ARSD: variants seen among roughly 807,000 people sequenced by gnomAD.
The protein encoded by ARSD is testis tissue sperm-binding protein Li 39a.
Under a neutral mutation model 32.6 loss-of-function variants are expected in ARSD, and 21 were observed. The ratio of observed to expected loss-of-function variants is 0.64; its 90% CI spans 0.46 to 0.93. ARSD has a LOEUF of 0.93. Among genes scored for constraint, ARSD ranks in the 40% least tolerant of loss-of-function variants. The probability of loss-of-function intolerance (pLI) is 0.00; values close to 1 mark genes in which losing one functional copy is unlikely to be tolerated. For missense variants in ARSD, 454 were observed against 520.9 expected (o/e 0.87, Z 1.25); for synonymous variants, 224 against 237.4 (o/e 0.94, Z 0.52).
chrX:2,914,698 C>T (rs34494682), intron 6 of ARSD: 111,913 of 1,025,047 alleles, frequency 0.11, 5,381 homozygotes, highest in East Asian at 0.51. Context: ...AGGAAGACAG[C>T]GTGTCTGCAT....
intron 9 of ARSD, among the ~76,000 whole-genome samples, 161 bp downstream of exon 9, chrX:2,908,560 C>G (rs1400729265): frequency 4.2e-5 from 4 of 95,467 alleles, no homozygotes; most frequent in Non-Finnish European, 6.1e-5. Flanking sequence ...TATCTATAAT[C>G]TACTCATCGG....
rs60574020 is a variant in ARSD, at chrX:2,909,080, G to GCACACACA, written c.1299-246_1299-239dup. Among the ~76,000 whole-genome samples the GCACACACA allele has an allele frequency of 6.5e-3, 686 of 105,868 alleles. 10 individuals are homozygous for GCACACACA. The highest frequency in any genetic ancestry group is 0.019 in the African/African-American group (560 of 28,995). 91.9% of individuals were successfully genotyped at this position (105,868 alleles called of 115,157 possible). On this transcript the variant is annotated intron_variant, in intron 8 of 9. Transcript: ENST00000381154. ...TTATGCAGCACTGCATAAGCAGAGT[G>GCACACACA]CACACACACACACACACACACACCC...
At chrX:2,918,393 G>A (rs796300217) in intron 4 of ARSD, among the ~76,000 whole-genome samples, 166 bp from the exon 5 acceptor site, 1 of 112,772 alleles carries the variant, frequency 8.9e-6, no homozygotes, top group African/African-American at 3.2e-5. Flanking sequence ...TTAAATGAAC[G>A]CATTCTGATC....
chrX:2,920,787 G>C (rs1433482195), intron 3 of ARSD, 64 bp from the exon 4 acceptor site: 5 of 1,163,462 alleles, frequency 4.3e-6, no homozygotes, highest in Non-Finnish European at 5.8e-6. Flanking sequence ...TTCTCAACCA[G>C]AGGGATTTGG....
chrX:2,913,813 G>A, intron 6 of ARSD: 3 of 766,513 alleles, frequency 3.9e-6, no homozygotes, highest in African/African-American at 2.2e-5. Context: ...GGGCCTGGGG[G>A]GAGGTGACTG....
rs188200141 is a variant in ARSD, at chrX:2,928,603, G to A, written c.44+629C>T. ...GTCACAGCTGTGCTCGGGAGGACGG[G>A]GCGTTGGGGAGGGACAGGGAGCGTC... On this transcript the variant is annotated intron_variant, in intron 1 of 9. Transcript: ENST00000381154. Among the ~76,000 whole-genome samples the A allele has an allele frequency of 5.0e-3, 524 of 103,929 alleles. 6 individuals are homozygous for A. Among genetic ancestry groups the A allele is most frequent in the African/African-American group, 0.017 (473 of 27,985 alleles). 90.2% of individuals were successfully genotyped at this position (103,929 alleles called of 115,157 possible). A position where few individuals can be genotyped will look rare whatever the true frequency, so the allele number is the denominator to read the frequency against.
In ARSD at chrX:2,929,266, C is replaced by G; in HGVS notation, c.10G>C (p.Ala4Pro). 1 of 1,024,117 alleles carries G rather than the reference C, an allele frequency of 9.8e-7. No individual in the cohort carries two copies. Among genetic ancestry groups the G allele is most frequent in the East Asian group, 4.1e-5 (1 of 24,596 alleles). 84.4% of individuals were successfully genotyped at this position (1,024,117 alleles called of 1,213,427 possible). A position where few individuals can be genotyped will look rare whatever the true frequency, so the allele number is the denominator to read the frequency against. Residue 4 changes from alanine to proline, a missense_variant, in exon 1 of 10, where the codon GCC becomes CCC. Physicochemically the swap from Ala to Pro is conservative, Grantham distance 27. This residue lies in a region of ARSD where 271 missense variants were observed against 301.0 expected (regional missense o/e 0.90). Transcript: ENST00000381154. The stretch of plus-strand genomic sequence containing the variant: ...GGCGCGGCGCGTCCCCTCCGCGCGG[C>G]GGATCGCATGGCCGAGCGCTGGCCC... MRS[A>P]ARRGRAAPAA...
In ARSD at chrX:2,906,311, G is replaced by GT. The variant is rs1181269427; in HGVS notation, c.*959dup. On this transcript the variant is annotated 3_prime_UTR_variant, in exon 10 of 10. Transcript: ENST00000381154. The stretch of plus-strand genomic sequence containing the variant: ...CGCCACGACATCTAGCTAATTATTT[G>GT]TTTTTTGTAGAGATGAGGTCTCACT... 1.8e-5 allele frequency: 2 copies of GT among 110,350 alleles called. No individual in the cohort carries two copies. Among genetic ancestry groups the GT allele is most frequent in the African/African-American group, 3.3e-5 (1 of 30,275 alleles). The allele number at this position is 110,350 out of a possible 1,213,427, so 9.1% of individuals were successfully genotyped here.
rs2088990770 is a variant in ARSD at position 2,918,208 on chromosome X, C to G, written c.459G>C (p.Val153=). Residue 153 remains valine (V), a synonymous_variant, in exon 5 of 10, where the codon GTG becomes GTC. Coordinates refer to ENST00000381154, the MANE Select transcript of ARSD (RefSeq NM_001669.4). ...TGLIGKWHQG[V]NCASRGDHCH... ...AGTGATCCCCGCGGGATGCACAATTCACACCCTGGTGCCATTTTCCTAAAA... is the reference window on the plus strand; with the variant it reads ...AGTGATCCCCGCGGGATGCACAATTGACACCCTGGTGCCATTTTCCTAAAA... 1 of 1,164,774 alleles carries G rather than the reference C, an allele frequency of 8.6e-7. No individual in the cohort carries two copies. Among genetic ancestry groups the G allele is most frequent in the Admixed American group, 2.5e-5 (1 of 40,103 alleles).
chrX:2,909,078 G>C (rs1440541466), intron 8 of ARSD, among the ~76,000 whole-genome samples: 1 of 97,096 alleles, frequency 1.0e-5, no homozygotes, highest in African/African-American at 4.5e-5. Context: ...CATAAGCAGA[G>C]TGCACACACA....
intron 2 of ARSD, among the ~76,000 whole-genome samples, chrX:2,922,557 G>A (rs749651829): frequency 1.4e-4 from 15 of 109,695 alleles, no homozygotes; most frequent in Non-Finnish European, 2.3e-4. Flanking sequence ...TGTGAGGGCC[G>A]GGCACGGTGG....
At chrX:2,917,061 T>G in intron 5 of ARSD, among the ~76,000 whole-genome samples, 1 of 62,695 alleles carries the variant, frequency 1.6e-5, no homozygotes, top group African/African-American at 7.5e-5. Context: ...AGTGAGACAT[T>G]GTCTCAAAAA....
rs749942918 is a variant in ARSD, at chrX:2,927,676, G to C, written c.44+1556C>G. 4.5e-5 allele frequency among the ~76,000 whole-genome samples: 5 copies of C among 112,353 alleles called. No homozygotes were observed. The East Asian group carries it at 1.4e-3, about 31-fold the overall frequency. On this transcript the variant is annotated intron_variant, in intron 1 of 9. Transcript: ENST00000381154. ...TTTTCTATTGGGTAGATAGTAGACT[G>C]GCTGTCTGCAACCAATCGGACTGAT...
In ARSD at chrX:2,907,139, G is replaced by A; in HGVS notation, c.*132C>T. 1.7e-6 allele frequency: 1 copy of A among 596,751 alleles called. No individual in the cohort carries two copies. Among genetic ancestry groups the A allele is most frequent in the Non-Finnish European group, 2.6e-6 (1 of 383,159 alleles). 49.2% of individuals were successfully genotyped at this position (596,751 alleles called of 1,213,427 possible). A position where few individuals can be genotyped will look rare whatever the true frequency, so the allele number is the denominator to read the frequency against. On this transcript the variant is annotated 3_prime_UTR_variant, in exon 10 of 10. Transcript: ENST00000381154. ...CTCAAAAAAGAAAGAAAGAAAGAAA[G>A]AAAGTGGGGACCCACTCTCAGTCCA...
At chrX:2,919,538 G>A (rs1225191006) in intron 4 of ARSD, among the ~76,000 whole-genome samples, 15 of 111,594 alleles carry the variant, frequency 1.3e-4, no homozygotes, top group Admixed American at 5.7e-4. Flanking sequence ...GCCTGAGCTA[G>A]TGCCCCTTAC....
At chrX:2,917,482 TA>T (rs2088973516) in intron 5 of ARSD, among the ~76,000 whole-genome samples, 1 of 110,266 alleles carries the variant, frequency 9.1e-6, no homozygotes, top group South Asian at 4.0e-4. Flanking sequence ...ACTTTATTTT[TA>T]TTTTTTTAGC....
rs2089075104 is a variant in ARSD at position 2,925,615 on chromosome X, C to T, written c.194+1G>A. The stretch of plus-strand genomic sequence containing the variant: ...TCACCAATAGCAACAACCAACTGTA[C>T]CTCAGTGTATTGTTCCCGTAGCAAC... On this transcript the variant is annotated splice_donor_variant, in intron 2 of 9. Coordinates refer to ENST00000381154, the MANE Select transcript of ARSD (RefSeq NM_001669.4). LOFTEE classifies it high-confidence loss of function. The T allele has an allele frequency of 1.7e-6, 2 of 1,206,136 alleles. No homozygotes were observed. The highest frequency in any genetic ancestry group is 1.7e-5 in the African/African-American group (1 of 57,467).
At position 2,914,256 on chromosome X, in the gene ARSD, G is replaced by C. The variant is rs757180170; in HGVS notation, c.1000+1300C>G. On this transcript the variant is annotated intron_variant, in intron 6 of 9. Coordinates refer to ENST00000381154, the MANE Select transcript of ARSD (RefSeq NM_001669.4). Reference sequence around the variant, plus strand: ...ATTTCTTTTTTTTTTTGGAGACAGGGTCTTGCTATGTGGCCCAGGCTGGAG... The same window carrying C: ...ATTTCTTTTTTTTTTTGGAGACAGGCTCTTGCTATGTGGCCCAGGCTGGAG... The C allele has an allele frequency of 7.1e-5, 51 of 721,205 alleles. No homozygotes were observed. In the East Asian group the frequency reaches 1.8e-3, roughly 26 times the overall value. The allele number at this position is 721,205 out of a possible 1,213,427, so 59.4% of individuals were successfully genotyped here.
At chrX:2,920,889 A>G (rs2089022473) in intron 3 of ARSD, among the ~76,000 whole-genome samples, 166 bp from the exon 4 acceptor site, 1 of 111,753 alleles carries the variant, frequency 8.9e-6, no homozygotes, top group South Asian at 3.8e-4. Flanking sequence ...CTACCCATCT[A>G]TCGTCTGTCA....
Sources: gnomAD v4.1 joint callset for allele counts (sites outside exome capture counted in the v4.1 genomes callset) on GRCh38, gnomAD v4.1.1 for gene constraint, gnomAD v4.1.1 regional missense constraint, MANE v1.5 for transcripts, NCBI Gene and HGNC (gene_info 2026-07-23, HGNC 2026-07-21) for gene names.